PCNX1: variants seen among roughly 807,000 people sequenced by gnomAD.
PCNX1 encodes pecanex-like protein 1.
A neutral mutation model predicts 242.2 loss-of-function variants in PCNX1; 78 were observed. That is an observed-to-expected ratio of 0.32 (90% CI 0.27 to 0.39). PCNX1 has a LOEUF of 0.39. PCNX1 is among the 10% of genes least tolerant of loss of function. The probability of loss-of-function intolerance (pLI) is 1.00; values close to 1 mark genes in which losing one functional copy is unlikely to be tolerated. For synonymous variants in PCNX1, 1,024 were observed against 1,032.9 expected (o/e 0.99, Z 0.17); for missense variants, 2,581 against 2,856.5 (o/e 0.90, Z 2.20).
At chr14:71,002,783 G>A (rs1031918717) in intron 8 of PCNX1, among the ~76,000 whole-genome samples, 5 of 152,072 alleles carry the variant, frequency 3.3e-5, no homozygotes, top group African/African-American at 9.7e-5. Context: ...GTTGTTTCCC[G>A]TTTTTGGCTG....
chr14:70,945,964 C>G (rs1298252503), intron 1 of PCNX1, among the ~76,000 whole-genome samples: 1 of 152,174 alleles, frequency 6.6e-6, no homozygotes, highest in African/African-American at 2.4e-5. Context: ...ATAAGTTGAG[C>G]CTAGTTGTAT....
chr14:70,926,431 G>A (rs2056593979), intron 1 of PCNX1, among the ~76,000 whole-genome samples: 2 of 152,124 alleles, frequency 1.3e-5, no homozygotes, highest in Non-Finnish European at 2.9e-5. Flanking sequence ...AACAAAATTT[G>A]TACTGTAGCC....
chr14:70,908,209 C>G (rs907242498), intron 1 of PCNX1, among the ~76,000 whole-genome samples: 1 of 152,108 alleles, frequency 6.6e-6, no homozygotes, highest in Non-Finnish European at 1.5e-5. Flanking sequence ...AACGAGCCCA[C>G]GGCAACCCGC....
intron 1 of PCNX1, among the ~76,000 whole-genome samples, chr14:70,937,752 C>T (rs1241301190): frequency 6.6e-6 from 1 of 152,144 alleles, no homozygotes; most frequent in African/African-American, 2.4e-5. Flanking sequence ...AATATTGATT[C>T]TTCCTATCCA....
At chr14:71,097,414 A>G (rs2062320855) in intron 30 of PCNX1, among the ~76,000 whole-genome samples, 1 of 152,236 alleles carries the variant, frequency 6.6e-6, no homozygotes, top group Non-Finnish European at 1.5e-5. Flanking sequence ...ACTAACTTGC[A>G]TTTCAACAGT....
chr14:71,008,169 A>G (rs928712865), intron 8 of PCNX1, among the ~76,000 whole-genome samples: 2 of 152,100 alleles, frequency 1.3e-5, no homozygotes, highest in African/African-American at 4.8e-5. Context: ...TCCTGGTTCT[A>G]GTCGTTTTAA....
intron 26 of PCNX1, among the ~76,000 whole-genome samples, chr14:71,060,315 T>G (rs1011082539): frequency 6.6e-6 from 1 of 152,190 alleles, no homozygotes; most frequent in Non-Finnish European, 1.5e-5. Flanking sequence ...ATAATGATAA[T>G]AAACAACTAT....
chr14:70,939,964 G>GC (rs1454418648), intron 1 of PCNX1, among the ~76,000 whole-genome samples: 1 of 151,402 alleles, frequency 6.6e-6, no homozygotes, highest in Non-Finnish European at 1.5e-5. Flanking sequence ...TGTTTTTTTT[G>GC]TTTTCCATTT....
intron 1 of PCNX1, among the ~76,000 whole-genome samples, chr14:70,924,944 T>C (rs1255960996): frequency 1.3e-5 from 2 of 152,080 alleles, no homozygotes; most frequent in African/African-American, 4.8e-5. Context: ...CATTTTCAGA[T>C]ATGCAATTAT....
chr14:70,994,396 G>GAGATATATATATATATATATATATAT (rs1555357307), intron 7 of PCNX1, among the ~76,000 whole-genome samples: 2 of 96,972 alleles, frequency 2.1e-5, no homozygotes, highest in African/African-American at 3.8e-5. Context: ...ACAGGCTTAA[G>GAGATATATATATATATATATATATAT]ATATATATAT....
chr14:71,011,300 C>G (rs917987692), intron 9 of PCNX1, among the ~76,000 whole-genome samples, 192 bp from the exon 10 acceptor site: 1 of 152,126 alleles, frequency 6.6e-6, no homozygotes, highest in Non-Finnish European at 1.5e-5. Flanking sequence ...TCCAAGATCT[C>G]ATTCAGTGGA....
chr14:70,977,166 G>A lies in PCNX1; in HGVS notation c.829G>A (p.Asp277Asn). 6.2e-7 allele frequency: 1 copy of A among 1,614,178 alleles called. No homozygotes were observed. Among genetic ancestry groups the A allele is most frequent in the Non-Finnish European group, 8.5e-7 (1 of 1,180,028 alleles). Residue 277 changes from aspartate (D) to asparagine (N), a missense_variant, in exon 6 of 36, where the codon GAC becomes AAC. By Grantham distance (23) the Asp-to-Asn change is conservative. This residue lies in a region of PCNX1 where 1,204 missense variants were observed against 1,216.7 expected (regional missense o/e 0.99). Transcript: ENST00000304743. ...TTTACACTCACACTCTTATAGAAAA[G>A]ACCACCGGCCGCGAGGTGTACCACG... ...VPLHSHSYRK[D>N]HRPRGVPRTS...
chr14:71,103,071 ATC>A (rs1235351675), intron 31 of PCNX1, among the ~76,000 whole-genome samples: 1 of 152,214 alleles, frequency 6.6e-6, no homozygotes, highest in South Asian at 2.1e-4. Context: ...GTAAATATTT[ATC>A]TCTCATTTCT....
intron 2 of PCNX1, among the ~76,000 whole-genome samples, chr14:70,948,221 ATTC>A (rs2057538318): frequency 3.3e-5 from 5 of 151,988 alleles, no homozygotes; most frequent in African/African-American, 1.2e-4. Flanking sequence ...CCCATACCCT[ATTC>A]ATACACCCCT....
At position 71,105,227 on chromosome 14, in the gene PCNX1, G is replaced by C. The variant is rs770781552; in HGVS notation, c.6096-8G>C. On this transcript the variant is annotated splice_polypyrimidine_tract_variant and splice_region_variant and intron_variant, in intron 32 of 35. Coordinates refer to ENST00000304743, the MANE Select transcript of PCNX1 (RefSeq NM_014982.3). ...AATAATGCTTCCTACTCTGGTATTT[G>C]TTCCTAGGCTTAGGAAAGGTTGCGG... 6.2e-7 allele frequency: 1 copy of C among 1,605,594 alleles called. No homozygotes were observed. Among genetic ancestry groups the C allele is most frequent in the Non-Finnish European group, 8.5e-7 (1 of 1,172,400 alleles).
At chr14:70,987,944 G>A (rs552990119) in intron 6 of PCNX1, among the ~76,000 whole-genome samples, 1 of 152,284 alleles carries the variant, frequency 6.6e-6, no homozygotes, top group Non-Finnish European at 1.5e-5. Context: ...GCATGGAGTT[G>A]AATAAAGTTT....
chr14:70,951,143 A>C (rs2057760915), intron 2 of PCNX1, among the ~76,000 whole-genome samples: 1 of 152,110 alleles, frequency 6.6e-6, no homozygotes, highest in South Asian at 2.1e-4. Context: ...AACACCATTC[A>C]TTAAGTAACA....
intron 6 of PCNX1, among the ~76,000 whole-genome samples, chr14:70,984,073 C>G (rs1020839862): frequency 6.6e-6 from 1 of 151,276 alleles, no homozygotes; most frequent in African/African-American, 2.4e-5. Flanking sequence ...TTTTCTTTTT[C>G]TGAGATATAT....
At chr14:70,982,594 A>G (rs1836216855) in intron 6 of PCNX1, among the ~76,000 whole-genome samples, 1 of 152,260 alleles carries the variant, frequency 6.6e-6, no homozygotes, top group Admixed American at 6.5e-5. Context: ...TTAGACATAT[A>G]TAAAACTGCA....
Sources: allele counts gnomAD v4.1 joint callset (sites outside exome capture counted in the v4.1 genomes callset), GRCh38; gene constraint gnomAD v4.1.1; regional missense constraint gnomAD v4.1.1; transcripts MANE v1.5; gene names NCBI Gene and HGNC (gene_info 2026-07-23, HGNC 2026-07-21).